Variants in JARID2 observed in about 807,000 individuals in gnomAD.
The protein encoded by JARID2 is protein Jumonji.
In JARID2, 21 loss-of-function variants were observed where a neutral mutation model predicts 125.6. That is an observed-to-expected ratio of 0.17 (90% CI 0.12 to 0.24). JARID2 has a LOEUF of 0.24. JARID2 is among the 10% of genes least tolerant of loss of function. The pLI, the probability that JARID2 is intolerant of heterozygous loss-of-function variation, is 1.00. For synonymous variants in JARID2, 736 were observed against 661.6 expected (o/e 1.11, Z -1.73); for missense variants, 1,303 against 1,639.6 (o/e 0.79, Z 3.55).
chr6:15,309,422 A>G (rs1466981601), intron 1 of JARID2, among the ~76,000 whole-genome samples: 1 of 152,032 alleles, frequency 6.6e-6, no homozygotes, highest in Non-Finnish European at 1.5e-5. Flanking sequence ...GGCCACAAGG[A>G]TGTGTAGTAA....
intron 4 of JARID2, 127 bp from the exon 5 acceptor site, chr6:15,468,415 A>AT: frequency 1.4e-6 from 1 of 730,802 alleles, no homozygotes; most frequent in Non-Finnish European, 2.0e-6. Context: ...TGAAAAATAA[A>AT]TTTAAAATGG....
At chr6:15,432,111 A>AAC (rs1766990587) in intron 3 of JARID2, among the ~76,000 whole-genome samples, 1 of 151,940 alleles carries the variant, frequency 6.6e-6, no homozygotes, top group Non-Finnish European at 1.5e-5. Context: ...GAAAAAAAAA[A>AAC]AACACAGATT....
chr6:15,319,539 A>G, intron 1 of JARID2, among the ~76,000 whole-genome samples: 1 of 152,146 alleles, frequency 6.6e-6, no homozygotes, highest in Non-Finnish European at 1.5e-5. Flanking sequence ...CTGGGAGCAC[A>G]AGTGTGCGCA....
At position 15,448,131 on chromosome 6, in the gene JARID2, C is replaced by T. The variant is rs146972159; in HGVS notation, c.324-3875C>T. Among the ~76,000 whole-genome samples the T allele has an allele frequency of 2.5e-4, 38 of 152,264 alleles. 1 individual carries two copies. In the East Asian group the frequency reaches 6.7e-3, roughly 27 times the overall value. On this transcript the variant is annotated intron_variant, in intron 3 of 17. Coordinates refer to ENST00000341776, the MANE Select transcript of JARID2 (RefSeq NM_004973.4). ...CTCTTTATAAAAGATATTGGTTTGT[C>T]TTGTTCTTTAGTTCCTGGTTTCATC...
intron 1 of JARID2, among the ~76,000 whole-genome samples, chr6:15,360,749 C>G (rs1763763944): frequency 6.6e-6 from 1 of 152,158 alleles, no homozygotes; most frequent in East Asian, 1.9e-4. Context: ...AAGCAATCCT[C>G]CTACCTTAGC....
chr6:15,332,164 C>T (rs1398942628), intron 1 of JARID2, among the ~76,000 whole-genome samples: 4 of 152,112 alleles, frequency 2.6e-5, no homozygotes, highest in Non-Finnish European at 2.9e-5. Context: ...GAAAAAATTC[C>T]GACAAAGAAT....
At chr6:15,461,631 A>G (rs1033695876) in intron 4 of JARID2, among the ~76,000 whole-genome samples, 1 of 152,236 alleles carries the variant, frequency 6.6e-6, no homozygotes, top group Non-Finnish European at 1.5e-5. Flanking sequence ...TTTGGGAAAG[A>G]AGATATGCTG....
At chr6:15,367,229 A>G (rs1764012666) in intron 1 of JARID2, among the ~76,000 whole-genome samples, 1 of 152,222 alleles carries the variant, frequency 6.6e-6, no homozygotes, top group African/African-American at 2.4e-5. Flanking sequence ...TTGTCAGAAA[A>G]TTGATTTTTA....
intron 8 of JARID2, among the ~76,000 whole-genome samples, chr6:15,503,143 C>T (rs1328398913): frequency 6.6e-6 from 1 of 152,180 alleles, no homozygotes; most frequent in Non-Finnish European, 1.5e-5. Context: ...GGCGAAGCCC[C>T]CAGCAGCCGT....
intron 1 of JARID2, among the ~76,000 whole-genome samples, chr6:15,278,169 T>G (rs996314463): frequency 1.1e-4 from 16 of 150,636 alleles, no homozygotes; most frequent in African/African-American, 3.4e-4. Context: ...GAGGTGGAGG[T>G]TGCGGTGAGC....
intron 1 of JARID2, among the ~76,000 whole-genome samples, chr6:15,285,106 G>GGTTTTT (rs1357349792): frequency 8.4e-6 from 1 of 119,460 alleles, no homozygotes; most frequent in African/African-American, 3.3e-5. Flanking sequence ...GTCTTTCTGG[G>GGTTTTT]TTTTTTTTTT....
chr6:15,327,768 T>C (rs1231837913), intron 1 of JARID2, among the ~76,000 whole-genome samples: 1 of 152,190 alleles, frequency 6.6e-6, no homozygotes, highest in Non-Finnish European at 1.5e-5. Flanking sequence ...AAGAAGCAGA[T>C]GAATGGGCTT....
chr6:15,509,243 G>A, intron 12 of JARID2: 6 of 1,205,756 alleles, frequency 5.0e-6, no homozygotes, highest in South Asian at 1.5e-5. Context: ...GATGGGAAAT[G>A]ACTACAAATA....
At chr6:15,480,697 TTA>T (rs1412541165) in intron 5 of JARID2, among the ~76,000 whole-genome samples, 1 of 152,224 alleles carries the variant, frequency 6.6e-6, no homozygotes, top group African/African-American at 2.4e-5. Context: ...CGCAAAGCAC[TTA>T]TATACTTTAT....
chr6:15,506,209 A>G (rs1000854925), intron 9 of JARID2, among the ~76,000 whole-genome samples: 1 of 152,190 alleles, frequency 6.6e-6, no homozygotes, highest in Admixed American at 6.5e-5. Flanking sequence ...ACCACCTGGG[A>G]GCAGTCCCTT....
At chr6:15,306,527 A>G (rs1002938264) in intron 1 of JARID2, among the ~76,000 whole-genome samples, 3 of 151,772 alleles carry the variant, frequency 2.0e-5, no homozygotes, top group African/African-American at 7.2e-5. Context: ...TAGTAGAGAC[A>G]GGGTCTCACC....
chr6:15,248,946 G>T, intron 1 of JARID2: 11 of 985,706 alleles, frequency 1.1e-5, no homozygotes, highest in Non-Finnish European at 1.3e-5. Flanking sequence ...CCGCTCCGGA[G>T]CGTCGCGCTT....
At chr6:15,327,445 G>C (rs948320081) in intron 1 of JARID2, among the ~76,000 whole-genome samples, 2 of 152,150 alleles carry the variant, frequency 1.3e-5, no homozygotes, top group Non-Finnish European at 2.9e-5. Flanking sequence ...GAGGCCACGA[G>C]GGGGAGATCT....
chr6:15,508,121 G>A lies in JARID2; in HGVS notation c.2732-219G>A, dbSNP rs2072823. On this transcript the variant is annotated intron_variant, in intron 11 of 17. Coordinates refer to ENST00000341776, the MANE Select transcript of JARID2 (RefSeq NM_004973.4). ...CTGCGGCCACCTCCCTCATGAGGCC[G>A]ACGTGCTCCTGATGTTTTGAAGCGG... Among the ~76,000 whole-genome samples the A allele has an allele frequency of 2.8e-3, 420 of 152,352 alleles. 10 individuals are homozygous for A. In the East Asian group the frequency reaches 0.051, roughly 19 times the overall value.
Sources: allele counts gnomAD v4.1 joint callset (sites outside exome capture counted in the v4.1 genomes callset), GRCh38; gene constraint gnomAD v4.1.1; transcripts MANE v1.5; gene names NCBI Gene and HGNC (gene_info 2026-07-23, HGNC 2026-07-21).